WHRN: variants seen among roughly 807,000 people sequenced by gnomAD.
The protein encoded by WHRN is CASK-interacting protein CIP98.
In WHRN, 41 loss-of-function variants were observed where a neutral mutation model predicts 68.3. That is an observed-to-expected ratio of 0.60 (90% confidence interval 0.47 to 0.78). WHRN has a LOEUF of 0.78. Among genes scored for constraint, WHRN ranks in the 30% least tolerant of loss-of-function variants. The pLI, the probability that WHRN is intolerant of heterozygous loss-of-function variation, is 0.00. For synonymous variants in WHRN, 560 were observed against 561.3 expected (o/e 1.00, Z 0.03); for missense variants, 1,243 against 1,244.7 (o/e 1.00, Z 0.02).
At chr9:114,458,402 T>C (rs1190210973) in intron 3 of WHRN, among the ~76,000 whole-genome samples, 3 of 152,176 alleles carry the variant, frequency 2.0e-5, no homozygotes, top group Non-Finnish European at 4.4e-5. Flanking sequence ...ATGTAGCAAA[T>C]GTGTATTTTT....
chr9:114,487,702 C>A (rs1016344355), intron 1 of WHRN, among the ~76,000 whole-genome samples: 42 of 152,136 alleles, frequency 2.8e-4, no homozygotes, highest in African/African-American at 8.9e-4. Flanking sequence ...TATTCACAGA[C>A]AATCACATTT....
Position 114,467,736 on chromosome 9 carries a change from C to G in WHRN, c.838-1344G>C, listed in dbSNP as rs12235739. Reference sequence around the variant, plus strand: ...GCAGGAACATGCAGGTTAAGTGTGTCTCCGGTATGAAAGAGGGATTCATGG... The same window carrying G: ...GCAGGAACATGCAGGTTAAGTGTGTGTCCGGTATGAAAGAGGGATTCATGG... On this transcript the variant is annotated intron_variant, in intron 2 of 11. Coordinates refer to ENST00000362057, the MANE Select transcript of WHRN (RefSeq NM_015404.4). 1.8e-3 allele frequency among the ~76,000 whole-genome samples: 279 copies of G among 152,196 alleles called. 9 individuals carry two copies. The South Asian group carries it at 0.033, about 18-fold the overall frequency.
intron 5 of WHRN, 94 bp downstream of exon 5, chr9:114,424,894 G>A (rs1313000711): frequency 3.4e-5 from 45 of 1,336,866 alleles, no homozygotes; most frequent in Middle Eastern, 1.8e-4. Context: ...TTGGAATGAG[G>A]TAGTGTAAGT....
rs142419663 is a variant in WHRN at position 114,418,917 on chromosome 9, C to T, written c.1626+4397G>A. 4.5e-3 allele frequency among the ~76,000 whole-genome samples: 683 copies of T among 152,330 alleles called. 3 individuals carry two copies. Among genetic ancestry groups the T allele is most frequent in the Admixed American group, 0.011 (165 of 15,302 alleles). On this transcript the variant is annotated intron_variant, in intron 7 of 11. Transcript: ENST00000362057. ...TGGCATTCCTGCTGTCTGTTCAACT[C>T]CATCGTGGAAAGGATTTCTTTGGTG...
At chr9:114,425,839 C>T (rs1208127290) in intron 4 of WHRN, 2 of 344,964 alleles carry the variant, frequency 5.8e-6, no homozygotes, top group African/African-American at 4.2e-5. Flanking sequence ...GGCCTCTGGC[C>T]AAATACACCC....
At chr9:114,489,304 T>C (rs1222598144) in intron 1 of WHRN, among the ~76,000 whole-genome samples, 1 of 152,182 alleles carries the variant, frequency 6.6e-6, no homozygotes, top group Non-Finnish European at 1.5e-5. Flanking sequence ...TTCTTGGAAT[T>C]GAACACCAAT....
chr9:114,496,538 C>CCAAA (rs139491191), intron 1 of WHRN, among the ~76,000 whole-genome samples: 11 of 152,112 alleles, frequency 7.2e-5, no homozygotes, highest in Non-Finnish European at 1.6e-4. Flanking sequence ...AACCAACCAA[C>CCAAA]CAAACAAACA....
At chr9:114,458,049 G>A (rs1467733403) in intron 3 of WHRN, among the ~76,000 whole-genome samples, 1 of 152,158 alleles carries the variant, frequency 6.6e-6, no homozygotes, top group African/African-American at 2.4e-5. Context: ...GATTCTGGCT[G>A]TCACCCTTAG....
intron 7 of WHRN, among the ~76,000 whole-genome samples, chr9:114,411,067 T>G (rs148634663): frequency 6.6e-6 from 1 of 152,180 alleles, no homozygotes; most frequent in East Asian, 1.9e-4. Context: ...CCTGGCACAA[T>G]GTACGAGGAA....
Position 114,478,663 on chromosome 9 carries a change from T to C in WHRN, c.727A>G (p.Ser243Gly), listed in dbSNP as rs373435974. 2 of 1,613,254 alleles carry C rather than the reference T, an allele frequency of 1.2e-6. No homozygotes were observed. The highest frequency in any genetic ancestry group is 1.7e-6 in the Non-Finnish European group (2 of 1,179,954). The change falls in exon 2 of 12, where the codon AGC becomes GGC. Residue 243 changes from serine (S) to glycine (G), a missense_variant. By Grantham distance (56) the Ser-to-Gly change is moderately conservative. Coordinates refer to ENST00000362057, the MANE Select transcript of WHRN (RefSeq NM_015404.4). ...IYTWVDPQGR[S>G]ISPPSGLPQP... is the part of the protein sequence containing the mutation. ...GGCAGGCCCGAGGGTGGGGAGATGC[T>C]GCGGCCCTGCGGGTCCACCCAGGTG...
In WHRN at chr9:114,451,578, GA is replaced by G. The variant is rs377639425; in HGVS notation, c.963+14688del. ...ATGAACGCACACACCACACACACAG[GA>G]AAACCCCAAGTGAAGACCATTCGCT... On this transcript the variant is annotated intron_variant, in intron 3 of 11. Coordinates refer to ENST00000362057, the MANE Select transcript of WHRN (RefSeq NM_015404.4). 1.1e-3 allele frequency among the ~76,000 whole-genome samples: 161 copies of G among 152,230 alleles called. 6 individuals carry two copies. The South Asian group carries it at 0.032, about 30-fold the overall frequency.
intron 1 of WHRN, among the ~76,000 whole-genome samples, chr9:114,486,136 T>C (rs1842456499): frequency 6.6e-6 from 1 of 152,226 alleles, no homozygotes; most frequent in African/African-American, 2.4e-5. Context: ...GGCTGCCAGT[T>C]CCTTCTCCCA....
rs73555447 is a variant in WHRN, at chr9:114,505,058, G to C, written c.-257C>G. 0.011 allele frequency: 5,029 copies of C among 454,244 alleles called. 206 individuals are homozygous for C. The highest frequency in any genetic ancestry group is 0.094 in the African/African-American group (4,561 of 48,578). 28.1% of individuals were successfully genotyped at this position (454,244 alleles called of 1,614,324 possible). ...CGGAGACGTCGGCGGGTTCCTGAGA[G>C]ACACAAGAGTTGGCTGCTGGAGCCC... On this transcript the variant is annotated 5_prime_UTR_variant, in exon 1 of 12. Coordinates refer to ENST00000362057, the MANE Select transcript of WHRN (RefSeq NM_015404.4).
chr9:114,427,730 G>A (rs1589116602), intron 3 of WHRN, among the ~76,000 whole-genome samples: 1 of 152,186 alleles, frequency 6.6e-6, no homozygotes, highest in African/African-American at 2.4e-5. Context: ...TTCCAGTATA[G>A]AAAGTGGTTA....
At chr9:114,435,186 C>G (rs1446402038) in intron 3 of WHRN, among the ~76,000 whole-genome samples, 1 of 152,196 alleles carries the variant, frequency 6.6e-6, no homozygotes, top group East Asian at 1.9e-4. Flanking sequence ...TCGTACTAGA[C>G]TACAGACAGA....
Position 114,504,346 on chromosome 9 carries a change from CA to C in WHRN, c.455del (p.Leu152TrpfsTer25). The C allele has an allele frequency of 6.2e-7, 1 of 1,609,316 alleles. No homozygotes were observed. Among genetic ancestry groups the C allele is most frequent in the African/African-American group, 1.3e-5 (1 of 75,070 alleles). ...SLRRAKAHEGLGFSIRGGSEH... is the reference protein window; with the variant it reads ...SLRRAKAHEGXGFSIRGGSEH... The stretch of plus-strand genomic sequence containing the variant: ...CCGAGCCCCCACGGATGCTGAAGCC[CA>C]AGCCCTCGTGGGCCTTGGCACGCCG... On this transcript the variant is annotated frameshift_variant, in exon 1 of 12. Transcript: ENST00000362057. LOFTEE classifies it high-confidence loss of function.
intron 3 of WHRN, among the ~76,000 whole-genome samples, chr9:114,449,142 G>A (rs1427686722): frequency 2.0e-5 from 3 of 152,180 alleles, no homozygotes; most frequent in Non-Finnish European, 2.9e-5. Flanking sequence ...GGACCGTGCT[G>A]ACCTCAGATT....
intron 3 of WHRN, among the ~76,000 whole-genome samples, chr9:114,453,737 AAAATGGAGTTTATAGTT>A (rs552919700): frequency 2.0e-3 from 303 of 152,316 alleles, no homozygotes; most frequent in African/African-American, 6.7e-3. Flanking sequence ...ACATGTCCAA[AAAATGGAGTTTATAGTT>A]AAATCATCTC....
At chr9:114,503,149 T>TG (rs1230736510) in intron 1 of WHRN, 1 of 985,356 alleles carries the variant, frequency 1.0e-6, no homozygotes, top group African/African-American at 1.7e-5. Flanking sequence ...GAAGTAGTCG[T>TG]GGGCCTCTGC....
Sources: gnomAD v4.1 joint callset for allele counts (sites outside exome capture counted in the v4.1 genomes callset) on GRCh38, gnomAD v4.1.1 for gene constraint, MANE v1.5 for transcripts, NCBI Gene and HGNC (gene_info 2026-07-23, HGNC 2026-07-21) for gene names.